PTPRD: variants seen among roughly 807,000 people sequenced by gnomAD.
PTPRD encodes protein tyrosine phosphatase receptor type D, also known as receptor-type tyrosine-protein phosphatase delta.
Under a neutral mutation model 214.5 loss-of-function variants are expected in PTPRD, and 34 were observed. That is an observed-to-expected ratio of 0.16 (90% CI 0.12 to 0.21). The LOEUF (loss-of-function observed/expected upper bound fraction) is 0.21. PTPRD is among the 10% of genes least tolerant of loss of function. The pLI, the probability that PTPRD is intolerant of heterozygous loss-of-function variation, is 1.00. For synonymous variants in PTPRD, 1,128 were observed against 845.7 expected (o/e 1.33, Z -5.79); for missense variants, 2,545 against 2,398.7 (o/e 1.06, Z -1.27).
chr9:8,710,728 T>C (rs1430150339), intron 12 of PTPRD, among the ~76,000 whole-genome samples: 5 of 152,182 alleles, frequency 3.3e-5, no homozygotes, highest in Admixed American at 6.5e-5. Flanking sequence ...TTAACGATTT[T>C]ATATCAGAAA....
chr9:8,427,170 T>A (rs10977089), intron 35 of PTPRD, among the ~76,000 whole-genome samples: 2 of 152,024 alleles, frequency 1.3e-5, no homozygotes, highest in Non-Finnish European at 2.9e-5. Flanking sequence ...TCAGGGACTT[T>A]ATTCAGTAGG....
chr9:9,487,429 A>G (rs986122368), intron 8 of PTPRD, among the ~76,000 whole-genome samples: 3 of 152,078 alleles, frequency 2.0e-5, no homozygotes, highest in Admixed American at 1.3e-4. Flanking sequence ...CATGGTGTAT[A>G]TGTGCCACAT....
intron 12 of PTPRD, among the ~76,000 whole-genome samples, chr9:8,727,088 A>G (rs1333345949): frequency 6.6e-6 from 1 of 152,238 alleles, no homozygotes; most frequent in Non-Finnish European, 1.5e-5. Context: ...ACACAACAGT[A>G]GAATCAAATA....
chr9:10,211,534 C>G (rs1324995012), intron 3 of PTPRD, among the ~76,000 whole-genome samples: 1 of 152,096 alleles, frequency 6.6e-6, no homozygotes, highest in Non-Finnish European at 1.5e-5. Context: ...TGGTAAATGC[C>G]CACCAGATCT....
At chr9:9,673,767 G>C (rs1329510034) in intron 7 of PTPRD, among the ~76,000 whole-genome samples, 2 of 149,940 alleles carry the variant, frequency 1.3e-5, no homozygotes, top group African/African-American at 4.9e-5. Context: ...TTCAATGGTA[G>C]AAATACAGAA....
chr9:9,505,124 C>G (rs1215931048), intron 8 of PTPRD, among the ~76,000 whole-genome samples: 2 of 151,560 alleles, frequency 1.3e-5, no homozygotes, highest in African/African-American at 2.4e-5. Flanking sequence ...TTCTGACTTT[C>G]TATTTCCTTT....
rs550735881 is a variant in PTPRD, at chr9:9,292,024, T to C, written c.-203+105425A>G. ...AGAGGTTTCCCAATCTGTCAGGTAA[T>C]GTGAATAAGTAATACTGGTATTTTA... On this transcript the variant is annotated intron_variant, in intron 9 of 45. Transcript: ENST00000381196. Among the ~76,000 whole-genome samples the C allele has an allele frequency of 6.6e-5, 10 of 151,390 alleles. No homozygotes were observed. The South Asian group carries it at 1.7e-3, about 25-fold the overall frequency.
intron 7 of PTPRD, among the ~76,000 whole-genome samples, chr9:9,670,395 C>T (rs1053778182): frequency 1.3e-5 from 2 of 152,140 alleles, no homozygotes; most frequent in African/African-American, 4.8e-5. Context: ...AGAAAATTTC[C>T]AGCCTGGCAA....
At chr9:8,828,001 T>C (rs1467401794) in intron 11 of PTPRD, among the ~76,000 whole-genome samples, 1 of 152,174 alleles carries the variant, frequency 6.6e-6, no homozygotes, top group Non-Finnish European at 1.5e-5. Flanking sequence ...CAATACTGTG[T>C]TGGGCACTGT....
At chr9:10,269,968 C>T (rs929077901) in intron 3 of PTPRD, among the ~76,000 whole-genome samples, 4 of 151,810 alleles carry the variant, frequency 2.6e-5, no homozygotes, top group East Asian at 1.9e-4. Context: ...TAGGGAAATA[C>T]AGAATAAAAT....
In PTPRD at chr9:9,613,131, CATACATATATATATATAT is replaced by C. The variant is rs1191879503; in HGVS notation, c.-286-38368_-286-38351del. Reference sequence around the variant, plus strand: ...TAATAGCTAGGCTGCAGTATACATACATACATATATATATATATATATATATATATATATATATATATG... The same window carrying C: ...TAATAGCTAGGCTGCAGTATACATACATATATATATATATATATATATATG... On this transcript the variant is annotated intron_variant, in intron 7 of 45. Transcript: ENST00000381196. 2.5e-3 allele frequency among the ~76,000 whole-genome samples: 102 copies of C among 40,902 alleles called. 1 individual carries two copies. Among genetic ancestry groups the C allele is most frequent in the South Asian group, 0.019 (16 of 854 alleles). 26.8% of individuals were successfully genotyped at this position (40,902 alleles called of 152,430 possible).
intron 3 of PTPRD, among the ~76,000 whole-genome samples, chr9:10,122,580 C>A (rs1347908301): frequency 6.6e-6 from 1 of 152,090 alleles, no homozygotes; most frequent in African/African-American, 2.4e-5. Flanking sequence ...TGTTTGCCTA[C>A]TGAACGTAAG....
intron 2 of PTPRD, among the ~76,000 whole-genome samples, chr9:10,431,942 C>T (rs1379870316): frequency 3.3e-5 from 5 of 151,976 alleles, no homozygotes; most frequent in Non-Finnish European, 7.4e-5. Flanking sequence ...TGGGTATATA[C>T]CCAAAGGACT....
intron 3 of PTPRD, among the ~76,000 whole-genome samples, chr9:10,220,905 G>A (rs994105867): frequency 6.6e-6 from 1 of 151,362 alleles, no homozygotes. Context: ...AAGCTAAAGG[G>A]CACAAGGAAG....
chr9:10,011,273 T>G (rs1408943641), intron 4 of PTPRD, among the ~76,000 whole-genome samples: 1 of 151,948 alleles, frequency 6.6e-6, no homozygotes, highest in Non-Finnish European at 1.5e-5. Context: ...AGAAAAGCAT[T>G]GAATTGTAAA....
At chr9:10,130,912 C>G (rs1439121009) in intron 3 of PTPRD, among the ~76,000 whole-genome samples, 1 of 152,028 alleles carries the variant, frequency 6.6e-6, no homozygotes, top group African/African-American at 2.4e-5. Flanking sequence ...CAAAGTAGTT[C>G]AGCACTTCTT....
At chr9:8,770,612 CT>C (rs2095133430) in intron 11 of PTPRD, among the ~76,000 whole-genome samples, 1 of 152,094 alleles carries the variant, frequency 6.6e-6, no homozygotes, top group Non-Finnish European at 1.5e-5. Flanking sequence ...TCAGACCAAA[CT>C]CAAAGAAGAT....
Position 9,693,583 on chromosome 9 carries a change from G to A in PTPRD, c.-287+40950C>T, listed in dbSNP as rs554100967. ...TAAGAGGTAGTCTTATTTAGGTTAA[G>A]TATGCTTGCTGTTCTATAATCTTCT... On this transcript the variant is annotated intron_variant, in intron 7 of 45. Coordinates refer to ENST00000381196, the MANE Select transcript of PTPRD (RefSeq NM_002839.4). 3.3e-4 allele frequency among the ~76,000 whole-genome samples: 50 copies of A among 152,230 alleles called. 1 individual carries two copies. In the South Asian group the frequency reaches 0.01, roughly 31 times the overall value.
intron 10 of PTPRD, among the ~76,000 whole-genome samples, chr9:9,020,463 T>C (rs2099562337): frequency 6.6e-6 from 1 of 152,122 alleles, no homozygotes; most frequent in Non-Finnish European, 1.5e-5. Context: ...TGATTCATGA[T>C]ATAGTTAGAA....
Sources: allele counts gnomAD v4.1 joint callset (sites outside exome capture counted in the v4.1 genomes callset), GRCh38; gene constraint gnomAD v4.1.1; transcripts MANE v1.5; gene names NCBI Gene and HGNC (gene_info 2026-07-23, HGNC 2026-07-21).